Variants in SMAP1 observed in about 807,000 individuals in gnomAD.
SMAP1 encodes the protein stromal membrane-associated protein 1.
A neutral mutation model predicts 58.5 loss-of-function variants in SMAP1; 24 were observed. The observed-to-expected ratio is 0.41, with a 90% CI of 0.30 to 0.58. The LOEUF (loss-of-function observed/expected upper bound fraction) is 0.58. Among genes scored for constraint, SMAP1 ranks in the 20% least tolerant of loss-of-function variants. The pLI is 0.29. For synonymous variants in SMAP1, 216 were observed against 196.6 expected (o/e 1.10, Z -0.82); for missense variants, 563 against 566.3 (o/e 0.99, Z 0.06).
intron 1 of SMAP1, among the ~76,000 whole-genome samples, chr6:70,713,710 A>G (rs1003564730): frequency 6.6e-5 from 10 of 152,140 alleles, no homozygotes; most frequent in African/African-American, 2.4e-4. Context: ...AAAAGAATGT[A>G]TATTCTTCTG....
At chr6:70,748,175 A>G (rs1433329242) in intron 2 of SMAP1, among the ~76,000 whole-genome samples, 1 of 152,142 alleles carries the variant, frequency 6.6e-6, no homozygotes, top group Non-Finnish European at 1.5e-5. Context: ...AGATAGAGAA[A>G]TTTCTCGAAA....
At chr6:70,805,881 C>T (rs998634866) in intron 6 of SMAP1, among the ~76,000 whole-genome samples, 2 of 152,272 alleles carry the variant, frequency 1.3e-5, no homozygotes, top group East Asian at 1.9e-4. Flanking sequence ...CTGGAAGCTT[C>T]GTCCCAGAGG....
At chr6:70,817,729 G>T (rs1247720405) in intron 6 of SMAP1, among the ~76,000 whole-genome samples, 1 of 152,090 alleles carries the variant, frequency 6.6e-6, no homozygotes, top group Non-Finnish European at 1.5e-5. Flanking sequence ...AATGAATTTG[G>T]TATTTATTTT....
intron 3 of SMAP1, among the ~76,000 whole-genome samples, chr6:70,770,778 TC>T (rs1290625547): frequency 6.6e-6 from 1 of 152,236 alleles, no homozygotes; most frequent in Non-Finnish European, 1.5e-5. Flanking sequence ...CCACCATTGT[TC>T]CGTTGCTGAT....
chr6:70,818,445 T>C (rs930662491), intron 6 of SMAP1, among the ~76,000 whole-genome samples: 1 of 152,156 alleles, frequency 6.6e-6, no homozygotes, highest in African/African-American at 2.4e-5. Flanking sequence ...CATATTATGC[T>C]ATTTTGCCAC....
At chr6:70,743,032 G>C (rs1315290354) in intron 2 of SMAP1, among the ~76,000 whole-genome samples, 1 of 152,206 alleles carries the variant, frequency 6.6e-6, no homozygotes, top group South Asian at 2.1e-4. Context: ...TGAGATTTGG[G>C]TGGTGACAGA....
intron 7 of SMAP1, among the ~76,000 whole-genome samples, chr6:70,844,038 A>C (rs1334837623): frequency 6.6e-6 from 1 of 152,116 alleles, no homozygotes; most frequent in Non-Finnish European, 1.5e-5. Flanking sequence ...AGATAGAGGG[A>C]AACAGTGATT....
At chr6:70,831,605 T>G (rs1481770164) in intron 6 of SMAP1, among the ~76,000 whole-genome samples, 2 of 152,196 alleles carry the variant, frequency 1.3e-5, no homozygotes, top group East Asian at 3.8e-4. Flanking sequence ...ATCTCCTTCT[T>G]TTTTATGGCT....
intron 3 of SMAP1, among the ~76,000 whole-genome samples, chr6:70,757,166 CAG>C (rs1766528038): frequency 6.6e-6 from 1 of 151,368 alleles, no homozygotes; most frequent in African/African-American, 2.4e-5. Context: ...GGTACCAAAA[CAG>C]AGATATAGAT....
chr6:70,836,123 C>T (rs1221792142), intron 6 of SMAP1, among the ~76,000 whole-genome samples: 1 of 152,110 alleles, frequency 6.6e-6, no homozygotes, highest in Non-Finnish European at 1.5e-5. Context: ...CCAGTCTCAG[C>T]TAACAGGATG....
In SMAP1 at chr6:70,687,210, G is replaced by C. The variant is rs9455208; in HGVS notation, c.118+19069G>C. Among the ~76,000 whole-genome samples the C allele has an allele frequency of 1.8e-3, 277 of 152,224 alleles. 1 individual carries two copies. The highest frequency in any genetic ancestry group is 6.5e-3 in the African/African-American group (268 of 41,544). ...ATGGAAAGTACAGTTTGACAGTGCT[G>C]TTTTAATTTTTAAATTTTAAAAAAT... is the stretch of plus-strand genomic sequence containing the variant. On this transcript the variant is annotated intron_variant, in intron 1 of 10. Transcript: ENST00000370455.
At chr6:70,754,958 T>TA (rs1259027848) in intron 2 of SMAP1, 22 bp from the exon 3 acceptor site, 3 of 1,555,046 alleles carry the variant, frequency 1.9e-6, no homozygotes, top group Non-Finnish European at 2.6e-6. Context: ...TGTGAGTAAT[T>TA]AAAAAATTTT....
intron 7 of SMAP1, among the ~76,000 whole-genome samples, chr6:70,848,635 T>C (rs1357236381): frequency 6.6e-6 from 1 of 152,204 alleles, no homozygotes; most frequent in East Asian, 1.9e-4. Flanking sequence ...ATGGAGGAGA[T>C]GCCCTTCTCA....
chr6:70,826,934 CAAAAAAAAAAA>C (rs61069311), intron 6 of SMAP1, among the ~76,000 whole-genome samples: 2 of 76,630 alleles, frequency 2.6e-5, no homozygotes, highest in African/African-American at 1.1e-4. Flanking sequence ...AACCGTGTCT[CAAAAAAAAAAA>C]AAAAAAAAAA....
At chr6:70,768,663 A>T (rs1302562987) in intron 3 of SMAP1, among the ~76,000 whole-genome samples, 1 of 151,962 alleles carries the variant, frequency 6.6e-6, no homozygotes, top group African/African-American at 2.4e-5. Context: ...TAGTCTTGCT[A>T]GTGGTCTATC....
intron 2 of SMAP1, among the ~76,000 whole-genome samples, chr6:70,741,036 A>C (rs193263808): frequency 2.5e-4 from 38 of 152,284 alleles, no homozygotes; most frequent in Admixed American, 6.5e-4. Flanking sequence ...TCTCTCCCAC[A>C]ACACATGGGA....
chr6:70,735,806 AAG>A (rs1765596258), intron 2 of SMAP1, among the ~76,000 whole-genome samples: 1 of 152,198 alleles, frequency 6.6e-6, no homozygotes, highest in Admixed American at 6.5e-5. Flanking sequence ...TTATGGAACT[AAG>A]AGAAATACTT....
intron 6 of SMAP1, among the ~76,000 whole-genome samples, chr6:70,799,313 G>T (rs1005509276): frequency 6.6e-6 from 1 of 152,142 alleles, no homozygotes; most frequent in African/African-American, 2.4e-5. Flanking sequence ...ATTCTTTTGG[G>T]GGGAGGAAAG....
At chr6:70,669,261 T>C (rs1469766689) in intron 1 of SMAP1, among the ~76,000 whole-genome samples, 1 of 152,218 alleles carries the variant, frequency 6.6e-6, no homozygotes, top group Non-Finnish European at 1.5e-5. Context: ...TTCTGTGTTA[T>C]TTGACTTAGA....
Sources: allele counts gnomAD v4.1 joint callset (sites outside exome capture counted in the v4.1 genomes callset), GRCh38; gene constraint gnomAD v4.1.1; transcripts MANE v1.5; gene names NCBI Gene and HGNC (gene_info 2026-07-23, HGNC 2026-07-21).